The following PPP1R8 variants were observed in gnomAD, a reference collection of about 807,000 sequenced individuals.
The protein encoded by PPP1R8 is nuclear inhibitor of protein phosphatase 1.
In PPP1R8, 4 loss-of-function variants were observed where a neutral mutation model predicts 31.3. That is an observed-to-expected ratio of 0.13 (90% CI 0.06 to 0.29). The LOEUF (loss-of-function observed/expected upper bound fraction) is 0.29, where lower values mean the gene tolerates loss of function less well. Among genes scored for constraint, PPP1R8 ranks in the 10% least tolerant of loss-of-function variants. The pLI is 1.00. For missense variants in PPP1R8, 254 were observed against 440.1 expected (o/e 0.58, Z 3.78); for synonymous variants, 170 against 169.7 (o/e 1.00, Z -0.01).
chr1:27,833,522 G>A (rs1247057917), intron 2 of PPP1R8, among the ~76,000 whole-genome samples: 3 of 152,142 alleles, frequency 2.0e-5, no homozygotes, highest in South Asian at 4.1e-4. Flanking sequence ...AGGAGTTCAA[G>A]AGAACATGAG....
At chr1:27,837,414 G>C (rs1398220030) in intron 2 of PPP1R8, among the ~76,000 whole-genome samples, 2 of 151,038 alleles carry the variant, frequency 1.3e-5, no homozygotes, top group Non-Finnish European at 2.9e-5. Flanking sequence ...CTGGGTGACA[G>C]AGACTCGTCT....
chr1:27,833,078 G>A (rs556517136), intron 2 of PPP1R8, among the ~76,000 whole-genome samples: 1 of 152,302 alleles, frequency 6.6e-6, no homozygotes, highest in African/African-American at 2.4e-5. Context: ...CAAACTGGAA[G>A]CCCTGTTAGC....
At chr1:27,841,338 G>T (rs2089220848) in intron 4 of PPP1R8, 104 bp downstream of exon 4, 8 of 1,200,902 alleles carry the variant, frequency 6.7e-6, no homozygotes, top group South Asian at 5.9e-5. Flanking sequence ...GCAGCAGGGG[G>T]TTCTCTTGAG....
At chr1:27,843,027 C>T (rs564026942) in intron 4 of PPP1R8, among the ~76,000 whole-genome samples, 159 bp from the exon 5 acceptor site, 12 of 152,298 alleles carry the variant, frequency 7.9e-5, no homozygotes, top group South Asian at 2.1e-4. Flanking sequence ...TTCGTAGTCT[C>T]GGGACAGTAT....
Position 27,840,950 on chromosome 1 carries a change from C to T in PPP1R8, c.272-64C>T, listed in dbSNP as rs1230524433. The T allele has an allele frequency of 3.9e-6, 6 of 1,542,206 alleles. No individual in the cohort carries two copies. The South Asian group carries it at 6.9e-5, about 18-fold the overall frequency. On this transcript the variant is annotated intron_variant, in intron 3 of 6. Coordinates refer to ENST00000311772, the MANE Select transcript of PPP1R8 (RefSeq NM_014110.5). ...TGATAAGAGAGTTGGCGATCATACT[C>T]TTCCTTCTAAAACTCAGGTTGTTTT...
chr1:27,832,908 TC>T, intron 2 of PPP1R8, 92 bp downstream of exon 2: 2 of 1,057,878 alleles, frequency 1.9e-6, no homozygotes, highest in Non-Finnish European at 2.8e-6. Context: ...TGCTTTGTTT[TC>T]CAGCAATGCT....
Position 27,844,937 on chromosome 1 carries a change from G to A in PPP1R8, c.637+1607G>A, listed in dbSNP as rs1308743987. On this transcript the variant is annotated intron_variant, in intron 5 of 6. Coordinates refer to ENST00000311772, the MANE Select transcript of PPP1R8 (RefSeq NM_014110.5). ...TTTAGTAGAGACGGGGTTTCACCGT[G>A]TTAGGCAGGATGGTCTCGATCTCCT... Among the ~76,000 whole-genome samples, 11 of 108,090 alleles carry A rather than the reference G, an allele frequency of 1.0e-4. No individual in the cohort carries two copies. In the South Asian group the frequency reaches 1.5e-3, roughly 15 times the overall value. 70.9% of individuals were successfully genotyped at this position (108,090 alleles called of 152,430 possible).
chr1:27,840,286 C>T (rs2089210490), intron 3 of PPP1R8, among the ~76,000 whole-genome samples: 1 of 152,124 alleles, frequency 6.6e-6, no homozygotes, highest in Admixed American at 6.6e-5. Context: ...CACCACTCTC[C>T]TACTACCATA....
chr1:27,849,910 C>G (rs1452238072), intron 6 of PPP1R8, among the ~76,000 whole-genome samples, 183 bp from the exon 7 acceptor site: 1 of 152,180 alleles, frequency 6.6e-6, no homozygotes, highest in Non-Finnish European at 1.5e-5. Flanking sequence ...GGAAAGGTCT[C>G]TTCAAACCGT....
chr1:27,834,296 G>C (rs762043448), intron 2 of PPP1R8: 4 of 414,486 alleles, frequency 9.7e-6, no homozygotes, highest in Non-Finnish European at 1.9e-5. Flanking sequence ...ATGTTGTTAA[G>C]TGTGCTGAGT....
At chr1:27,842,276 A>T in intron 4 of PPP1R8, among the ~76,000 whole-genome samples, 1 of 144,672 alleles carries the variant, frequency 6.9e-6, no homozygotes, top group Non-Finnish European at 1.5e-5. Context: ...TGGGAGGTGG[A>T]GGTTGTGGTG....
chr1:27,834,572 G>A (rs1259077897), intron 2 of PPP1R8: 4 of 517,774 alleles, frequency 7.7e-6, no homozygotes, highest in Non-Finnish European at 1.5e-5. Context: ...CAACTGGATA[G>A]CAGTACTGGC....
chr1:27,840,015 G>A (rs531870936), intron 3 of PPP1R8, among the ~76,000 whole-genome samples: 2 of 152,180 alleles, frequency 1.3e-5, no homozygotes, highest in East Asian at 1.9e-4. Context: ...AGCCATTATC[G>A]CATGACTGTA....
At chr1:27,846,867 T>C (rs2089286561) in intron 5 of PPP1R8, among the ~76,000 whole-genome samples, 161 bp from the exon 6 acceptor site, 1 of 152,202 alleles carries the variant, frequency 6.6e-6, no homozygotes, top group East Asian at 1.9e-4. Context: ...CATCACAGGG[T>C]CTTTGTGAGG....
intron 5 of PPP1R8, 79 bp from the exon 6 acceptor site, chr1:27,846,949 G>T (rs1459026412): frequency 1.7e-6 from 2 of 1,184,612 alleles, no homozygotes; most frequent in Admixed American, 1.7e-5. Context: ...TGTTGTGATG[G>T]TTTGTTTGCA....
intron 5 of PPP1R8, among the ~76,000 whole-genome samples, chr1:27,846,079 C>T (rs575516706): frequency 1.3e-5 from 2 of 152,184 alleles, no homozygotes; most frequent in South Asian, 2.1e-4. Flanking sequence ...CGTGAGCCAC[C>T]GCACCCGGCC....
chr1:27,832,918 C>A, intron 2 of PPP1R8, 102 bp downstream of exon 2: 1 of 977,844 alleles, frequency 1.0e-6, no homozygotes, highest in Non-Finnish European at 1.5e-6. Context: ...TCCAGCAATG[C>A]TACTTTCTTT....
chr1:27,832,698 T>G, intron 1 of PPP1R8, 58 bp from the exon 2 acceptor site: 2 of 1,444,568 alleles, frequency 1.4e-6, no homozygotes, highest in Non-Finnish European at 1.9e-6. Context: ...GGACAATGGT[T>G]GTAAATAGCA....
chr1:27,851,230 T>C lies in PPP1R8; in HGVS notation c.*784T>C, dbSNP rs1178268356. 1.1e-5 allele frequency: 3 copies of C among 275,796 alleles called. No individual in the cohort carries two copies. Among genetic ancestry groups the C allele is most frequent in the Non-Finnish European group, 2.2e-5 (3 of 138,698 alleles). 17.1% of individuals were successfully genotyped at this position (275,796 alleles called of 1,614,324 possible). A position where few individuals can be genotyped will look rare whatever the true frequency, so the allele number is the denominator to read the frequency against. On this transcript the variant is annotated 3_prime_UTR_variant, in exon 7 of 7. Transcript: ENST00000311772. ...TTATGAAGGCAGTTTTCAAAGGATA[T>C]GACCAGTTGGGGTAATTCAAATTAA...
Sources: allele counts gnomAD v4.1 joint callset (sites outside exome capture counted in the v4.1 genomes callset), GRCh38; gene constraint gnomAD v4.1.1; transcripts MANE v1.5; gene names NCBI Gene and HGNC (gene_info 2026-07-23, HGNC 2026-07-21).